Variants in ABCC5 observed in about 807,000 individuals in gnomAD.
ABCC5 encodes ATP-binding cassette sub-family C member 5.
In ABCC5, 61 loss-of-function variants were observed where a neutral mutation model predicts 160.9. The observed-to-expected ratio is 0.38, with a 90% CI of 0.31 to 0.47. The LOEUF is 0.47. Ranked by LOEUF, ABCC5 falls within the 20% of genes least tolerant of loss-of-function variation. The pLI is 0.99. For missense variants in ABCC5, 1,308 were observed against 1,813.3 expected, an observed-to-expected ratio of 0.72 and a Z score of 5.06; for synonymous variants, 666 against 700.6, an observed-to-expected ratio of 0.95 and a Z score of 0.78.
rs1717095803 is a variant in ABCC5, at chr3:183,965,119, C to T, written c.2031+66G>A. The T allele has an allele frequency of 2.6e-6, 4 of 1,542,550 alleles. No individual in the cohort carries two copies. The South Asian group carries it at 4.6e-5, about 18-fold the overall frequency. The stretch of plus-strand genomic sequence containing the variant: ...CTCCCAAGCATTTCAGTTGCACTCC[C>T]AGGAGCAGCTCTGGCCCAGCTCTGC... On this transcript the variant is annotated intron_variant, in intron 14 of 29. Transcript: ENST00000334444.
chr3:183,973,658 C>T (rs1418315282), intron 10 of ABCC5, among the ~76,000 whole-genome samples: 1 of 152,110 alleles, frequency 6.6e-6, no homozygotes, highest in Non-Finnish European at 1.5e-5. Context: ...TCCTATCTTC[C>T]CCGAAGTGTC....
At chr3:183,978,696 C>A in intron 8 of ABCC5, 45 bp from the exon 9 acceptor site, 1 of 1,594,260 alleles carries the variant, frequency 6.3e-7, no homozygotes, top group Non-Finnish European at 8.5e-7. Flanking sequence ...TTAAAAGAAG[C>A]CTAGGGATGT....
At chr3:183,931,829 T>C (rs533403525) in intron 26 of ABCC5, among the ~76,000 whole-genome samples, 1 of 152,242 alleles carries the variant, frequency 6.6e-6, no homozygotes, top group Non-Finnish European at 1.5e-5. Context: ...AGAAGCCAGA[T>C]GGTCCTGGGT....
At chr3:183,999,942 G>A (rs971177519) in intron 2 of ABCC5, among the ~76,000 whole-genome samples, 1 of 151,996 alleles carries the variant, frequency 6.6e-6, no homozygotes, top group African/African-American at 2.4e-5. Context: ...CTATGATGGG[G>A]GACAGCCTCC....
chr3:184,003,891 G>A (rs1720953210), intron 2 of ABCC5, among the ~76,000 whole-genome samples: 1 of 152,092 alleles, frequency 6.6e-6, no homozygotes, highest in Admixed American at 6.6e-5. Context: ...GAATCACAGG[G>A]GTAAAACGGG....
chr3:184,014,728 T>C (rs1302796375), intron 1 of ABCC5, among the ~76,000 whole-genome samples: 1 of 151,854 alleles, frequency 6.6e-6, no homozygotes, highest in Non-Finnish European at 1.5e-5. Context: ...GAGACACCCA[T>C]TCTCTTCAAC....
chr3:184,010,482 G>A (rs573529106), intron 2 of ABCC5: 1 of 152,400 alleles, frequency 6.6e-6, no homozygotes, highest in South Asian at 2.1e-4. Context: ...CCTACCTGCT[G>A]TTCTTCTCCA....
In ABCC5 at chr3:183,949,565, T is replaced by C. The variant is rs1385116973; in HGVS notation, c.3227+188A>G. Among the ~76,000 whole-genome samples, 1 of 152,272 alleles carries C rather than the reference T, an allele frequency of 6.6e-6. No homozygotes were observed. Among genetic ancestry groups the C allele is most frequent in the East Asian group, 1.9e-4 (1 of 5,198 alleles). On this transcript the variant is annotated intron_variant, in intron 22 of 29. Coordinates refer to ENST00000334444, the MANE Select transcript of ABCC5 (RefSeq NM_005688.4). This position sits in a 1 kb window ranked among gnomAD's most constrained non-coding sequence, Gnocchi z 4.2. Reference sequence around the variant, plus strand: ...GGCCCAAATCTGTATTTCTGTTTTCTCACTTGCTCAGAAAGGAGTCCCGCC... The same window carrying C: ...GGCCCAAATCTGTATTTCTGTTTTCCCACTTGCTCAGAAAGGAGTCCCGCC...
chr3:183,952,487 G>T (rs1715465006), intron 18 of ABCC5, among the ~76,000 whole-genome samples: 1 of 152,072 alleles, frequency 6.6e-6, no homozygotes, highest in African/African-American at 2.4e-5. Context: ...TTGGCTTTGT[G>T]TCCCCACCCA....
chr3:183,944,384 C>G (rs755521055), intron 24 of ABCC5, among the ~76,000 whole-genome samples: 1 of 150,524 alleles, frequency 6.6e-6, no homozygotes, highest in Non-Finnish European at 1.5e-5. Context: ...GACAATAAGA[C>G]CCTCTCTCAA....
intron 17 of ABCC5, 110 bp downstream of exon 17, chr3:183,959,623 G>T: frequency 2.4e-6 from 2 of 825,588 alleles, no homozygotes; most frequent in South Asian, 3.6e-5. Flanking sequence ...GTAAGACCAA[G>T]TATTTATATT....
intron 2 of ABCC5, among the ~76,000 whole-genome samples, chr3:183,990,380 T>C (rs1396986333): frequency 1.3e-5 from 2 of 152,168 alleles, no homozygotes; most frequent in Non-Finnish European, 2.9e-5. Flanking sequence ...GTTGGGATTA[T>C]AGGTGTGAGC....
Position 183,963,963 on chromosome 3 carries a change from C to T in ABCC5, c.2032-375G>A, listed in dbSNP as rs1426240930. On this transcript the variant is annotated intron_variant, in intron 14 of 29. Transcript: ENST00000334444. The surrounding 1 kb of genome is among the most constrained non-coding windows in gnomAD (Gnocchi z 4.6). ...TCTTCAAGAGCCTCAAAGGATAAAC[C>T]TTGAGTATCCAAACATGGCATACAA... Among the ~76,000 whole-genome samples, 1 of 152,222 alleles carries T rather than the reference C, an allele frequency of 6.6e-6. No individual in the cohort carries two copies. The highest frequency in any genetic ancestry group is 1.5e-5 in the Non-Finnish European group (1 of 68,038).
At chr3:183,981,610 G>T in intron 8 of ABCC5, 117 bp downstream of exon 8, 1 of 1,117,134 alleles carries the variant, frequency 9.0e-7, no homozygotes, top group Non-Finnish European at 1.3e-6. Flanking sequence ...TATGTCCTAC[G>T]ATACTAGACA....
At chr3:183,989,449 T>A (rs1484799116) in intron 2 of ABCC5, 66 bp from the exon 3 acceptor site, 12 of 1,548,068 alleles carry the variant, frequency 7.8e-6, no homozygotes, top group Admixed American at 1.8e-5. Context: ...CAAACGGAAC[T>A]GATGAAACAG....
chr3:183,970,841 G>C (rs116763879), intron 11 of ABCC5, among the ~76,000 whole-genome samples: 1 of 152,138 alleles, frequency 6.6e-6, no homozygotes, highest in Non-Finnish European at 1.5e-5. Flanking sequence ...AAGAAGGACG[G>C]GATTTTTGTC....
chr3:184,014,220 T>C (rs1440032557), intron 2 of ABCC5, 44 bp downstream of exon 2: 1 of 1,569,494 alleles, frequency 6.4e-7, no homozygotes, highest in African/African-American at 1.4e-5. Context: ...AGATGTGTTT[T>C]AGTACAACAA....
chr3:183,977,776 G>A (rs1270044881), intron 9 of ABCC5, 152 bp from the exon 10 acceptor site: 8 of 567,654 alleles, frequency 1.4e-5, no homozygotes, highest in Non-Finnish European at 2.5e-5. Context: ...TTTTTGAGAC[G>A]GAGTCTCGCT....
chr3:183,977,265 A>G (rs1403357149), intron 10 of ABCC5, among the ~76,000 whole-genome samples: 1 of 152,198 alleles, frequency 6.6e-6, no homozygotes. Flanking sequence ...TCTAAAGGGG[A>G]ACTCTGCAAT....
Sources: allele counts gnomAD v4.1 joint callset (sites outside exome capture counted in the v4.1 genomes callset), GRCh38; gene constraint gnomAD v4.1.1; non-coding constraint Gnocchi (gnomAD v3.1); transcripts MANE v1.5; gene names NCBI Gene and HGNC (gene_info 2026-07-23, HGNC 2026-07-21).